SCN11A: variants seen among roughly 807,000 people sequenced by gnomAD.
SCN11A encodes sodium channel protein type 11 subunit alpha.
Under a neutral mutation model 162.2 loss-of-function variants are expected in SCN11A, and 122 were observed. The ratio of observed to expected loss-of-function variants is 0.75; its 90% confidence interval spans 0.65 to 0.87. The LOEUF (loss-of-function observed/expected upper bound fraction) is 0.87. Ranked by LOEUF, SCN11A falls within the 40% of genes least tolerant of loss-of-function variation. The probability of loss-of-function intolerance (pLI) is 0.00; values close to 1 mark genes in which losing one functional copy is unlikely to be tolerated. For missense variants in SCN11A, 2,015 were observed against 2,181.6 expected (o/e 0.92, Z 1.52); for synonymous variants, 758 against 751.5 (o/e 1.01, Z -0.14).
In SCN11A at chr3:38,904,117, A is replaced by T; in HGVS notation, c.1604-14T>A. 1 of 1,524,160 alleles carries T rather than the reference A, an allele frequency of 6.6e-7. No homozygotes were observed. The highest frequency in any genetic ancestry group is 8.8e-7 in the Non-Finnish European group (1 of 1,132,354). The allele number at this position is 1,524,160 out of a possible 1,614,324, so 94.4% of individuals were successfully genotyped here. A position where few individuals can be genotyped will look rare whatever the true frequency, so the allele number is the denominator to read the frequency against. On this transcript the variant is annotated splice_polypyrimidine_tract_variant and intron_variant, in intron 15 of 29. Transcript: ENST00000302328. ...ATTTTTCTTGTTCTGGAGGAGAATGAGCGAGAGGTTGAGGAGTTAGCTCTG... is the reference window on the plus strand; with the variant it reads ...ATTTTTCTTGTTCTGGAGGAGAATGTGCGAGAGGTTGAGGAGTTAGCTCTG...
chr3:38,871,447 C>G lies in SCN11A; in HGVS notation c.3757G>C (p.Val1253Leu), dbSNP rs189010673. 3 of 1,601,384 alleles carry G rather than the reference C, an allele frequency of 1.9e-6. No homozygotes were observed. The highest frequency in any genetic ancestry group is 1.7e-5 in the Admixed American group (1 of 58,624). ...VGNAYLALLQ[V>L]ATFKGWMDII... ...AAAAACATACTGACTGTACTTACCA[C>G]TTGCAGCAGAGCGAGGTAAGCATTT... is the stretch of plus-strand genomic sequence containing the variant. Residue 1253 changes from valine (V) to leucine (L), a missense_variant and splice_region_variant, in exon 25 of 30, where the codon GTG becomes CTG. Transcript: ENST00000302328.
At chr3:38,934,554 C>CA (rs1485127125) in intron 7 of SCN11A, among the ~76,000 whole-genome samples, 1 of 151,382 alleles carries the variant, frequency 6.6e-6, no homozygotes, top group African/African-American at 2.4e-5. Context: ...AAATGGAAAA[C>CA]AAAAAAAGGC....
In SCN11A at chr3:38,950,115, G is replaced by C; in HGVS notation, c.248C>G (p.Pro83Arg). ...LIGKPLEDLD[P>R]FYRNHKTFMV... ...AAGTACCTTATGATTTCGGTAGAAT[G>C]GGTCCAAGTCTTCCAGAGGCTTTCC... The change falls in exon 5 of 30, where the codon CCA becomes CGA. Residue 83 changes from proline to arginine, a missense_variant. Transcript: ENST00000302328. 6.4e-7 allele frequency: 1 copy of C among 1,557,780 alleles called. No homozygotes were observed. Among genetic ancestry groups the C allele is most frequent in the Non-Finnish European group, 8.7e-7 (1 of 1,151,492 alleles).
intron 28 of SCN11A, among the ~76,000 whole-genome samples, chr3:38,857,936 C>A (rs1026515986): frequency 3.9e-5 from 6 of 151,976 alleles, no homozygotes; most frequent in Non-Finnish European, 8.8e-5. Context: ...CTTTTTCAGA[C>A]AAATAAATGC....
At chr3:38,904,463 T>C (rs1238199788) in intron 15 of SCN11A, among the ~76,000 whole-genome samples, 2 of 151,930 alleles carry the variant, frequency 1.3e-5, no homozygotes, top group Admixed American at 1.3e-4. Flanking sequence ...AGACAGACCA[T>C]AAGGTCAGCT....
At chr3:38,912,979 C>T (rs1299992845) in intron 11 of SCN11A, among the ~76,000 whole-genome samples, 1 of 152,122 alleles carries the variant, frequency 6.6e-6, no homozygotes, top group African/African-American at 2.4e-5. Context: ...ATTTATATTC[C>T]TCTGGGTACC....
At chr3:38,873,984 T>C (rs1283221150) in intron 23 of SCN11A, among the ~76,000 whole-genome samples, 2 of 152,206 alleles carry the variant, frequency 1.3e-5, no homozygotes, top group Admixed American at 6.6e-5. Context: ...TTCTTTCCTA[T>C]TATGCAAAAC....
intron 19 of SCN11A, among the ~76,000 whole-genome samples, chr3:38,889,086 T>C (rs2065450696): frequency 6.6e-6 from 1 of 152,032 alleles, no homozygotes; most frequent in South Asian, 2.1e-4. Context: ...AAGGGGAAAA[T>C]CTTTTTAAAT....
chr3:39,034,014 T>G (rs994841716), intron 1 of SCN11A, among the ~76,000 whole-genome samples: 1 of 152,042 alleles, frequency 6.6e-6, no homozygotes, highest in South Asian at 2.1e-4. Context: ...AATACAAAAA[T>G]TAGCAGGCAT....
At chr3:38,870,594 C>A (rs1337792092) in intron 26 of SCN11A, 97 bp downstream of exon 26, 2 of 973,000 alleles carry the variant, frequency 2.1e-6, no homozygotes, top group Admixed American at 4.1e-5. Flanking sequence ...AGAACCCCAG[C>A]TGCTGGAACT....
intron 18 of SCN11A, among the ~76,000 whole-genome samples, chr3:38,896,314 A>G (rs2065596794): frequency 6.6e-6 from 1 of 152,116 alleles, no homozygotes; most frequent in South Asian, 2.1e-4. Context: ...CCATCTCTCA[A>G]TTCGTGCAAA....
chr3:38,947,566 G>A (rs777328095), intron 5 of SCN11A, among the ~76,000 whole-genome samples: 2 of 152,158 alleles, frequency 1.3e-5, no homozygotes, highest in African/African-American at 2.4e-5. Flanking sequence ...CCTTTTACTG[G>A]GAAGACCCAG....
At chr3:38,977,064 C>G (rs2066854051) in intron 2 of SCN11A, among the ~76,000 whole-genome samples, 1 of 152,202 alleles carries the variant, frequency 6.6e-6, no homozygotes, top group African/African-American at 2.4e-5. Context: ...AGCCTCTCTG[C>G]AAATCCTCTT....
chr3:38,846,605 C>T lies in SCN11A; in HGVS notation c.*89G>A. On this transcript the variant is annotated 3_prime_UTR_variant, in exon 30 of 30. Transcript: ENST00000302328. ...GAATGGCTAATTTGGTGAATCCACT[C>T]CCTGTTGATACACTAAGCTGCTGAC... The T allele has an allele frequency of 1.0e-6, 1 of 958,710 alleles. No homozygotes were observed. The highest frequency in any genetic ancestry group is 1.6e-6 in the Non-Finnish European group (1 of 620,158). The allele number at this position is 958,710 out of a possible 1,614,324, so 59.4% of individuals were successfully genotyped here.
chr3:38,880,596 C>T (rs1275422946), intron 22 of SCN11A, among the ~76,000 whole-genome samples: 1 of 152,144 alleles, frequency 6.6e-6, no homozygotes, highest in Non-Finnish European at 1.5e-5. Context: ...ATCCTGCCAA[C>T]CCTGATGCCC....
chr3:38,972,789 A>G (rs558136708), intron 2 of SCN11A, among the ~76,000 whole-genome samples: 14 of 147,430 alleles, frequency 9.5e-5, no homozygotes, highest in African/African-American at 3.4e-4. Context: ...GGCTGCATAG[A>G]AAAAAAAAAG....
intron 13 of SCN11A, 133 bp downstream of exon 13, chr3:38,908,864 C>T: frequency 1.3e-6 from 1 of 742,160 alleles, no homozygotes; most frequent in Non-Finnish European, 2.3e-6. Flanking sequence ...GACTTATATT[C>T]TCAGAAAAGC....
chr3:38,996,970 T>C (rs1486346207), intron 2 of SCN11A, among the ~76,000 whole-genome samples: 1 of 152,160 alleles, frequency 6.6e-6, no homozygotes, highest in Non-Finnish European at 1.5e-5. Flanking sequence ...CTTTGCCTCC[T>C]CCTGGGTTTA....
chr3:38,998,398 T>G (rs890520554), intron 2 of SCN11A, among the ~76,000 whole-genome samples: 2 of 152,180 alleles, frequency 1.3e-5, no homozygotes, highest in Non-Finnish European at 2.9e-5. Context: ...ACCAAACACA[T>G]AGCAGCACTT....
Sources: allele counts gnomAD v4.1 joint callset (sites outside exome capture counted in the v4.1 genomes callset), GRCh38; gene constraint gnomAD v4.1.1; transcripts MANE v1.5; gene names NCBI Gene and HGNC (gene_info 2026-07-23, HGNC 2026-07-21).